Variants in DNAH14 observed in about 807,000 individuals in gnomAD.
The protein encoded by DNAH14 is axonemal beta dynein heavy chain 14.
DNAH14 carries 478 observed loss-of-function variants against 520.9 expected under a neutral mutation model. The ratio of observed to expected loss-of-function variants is 0.92; its 90% CI spans 0.85 to 0.99. DNAH14 has a LOEUF of 0.99. Among genes scored for constraint, DNAH14 ranks in the 50% least tolerant of loss-of-function variants. The pLI is 0.00. For missense variants in DNAH14, 4,831 were observed against 5,234.5 expected (o/e 0.92, Z 2.38); for synonymous variants, 1,581 against 1,757.2 (o/e 0.90, Z 2.51).
chr1:225,378,513 C>T (rs1160256456), intron 79 of DNAH14, among the ~76,000 whole-genome samples: 1 of 152,216 alleles, frequency 6.6e-6, no homozygotes, highest in Non-Finnish European at 1.5e-5. Flanking sequence ...CTAAATACTT[C>T]TTGGCAGCTT....
intron 3 of DNAH14, among the ~76,000 whole-genome samples, chr1:224,958,557 T>C (rs533528904): frequency 1.6e-4 from 25 of 151,988 alleles, no homozygotes; most frequent in African/African-American, 5.1e-4. Context: ...GGATGATGGA[T>C]TGTAAGAAAG....
intron 7 of DNAH14, among the ~76,000 whole-genome samples, chr1:224,973,365 G>A (rs1287673284): frequency 6.6e-6 from 1 of 152,190 alleles, no homozygotes; most frequent in East Asian, 1.9e-4. Flanking sequence ...TGGCAAACAA[G>A]TATCACATCT....
chr1:225,099,081 AAACT>A (rs1169896506), intron 22 of DNAH14, among the ~76,000 whole-genome samples: 2 of 152,164 alleles, frequency 1.3e-5, no homozygotes, highest in Non-Finnish European at 2.9e-5. Context: ...CCAGAGCTCC[AAACT>A]AACTATGAGG....
At chr1:225,212,097 C>T (rs1471034250) in intron 41 of DNAH14, among the ~76,000 whole-genome samples, 1 of 135,480 alleles carries the variant, frequency 7.4e-6, no homozygotes, top group African/African-American at 2.7e-5. Flanking sequence ...TAATGTTCCC[C>T]ACCCTGTGTC....
intron 60 of DNAH14, among the ~76,000 whole-genome samples, chr1:225,315,571 G>A (rs2094451097): frequency 6.6e-6 from 1 of 152,122 alleles, no homozygotes; most frequent in South Asian, 2.1e-4. Context: ...CCTTATCTTT[G>A]TGGATTTATC....
intron 22 of DNAH14, among the ~76,000 whole-genome samples, chr1:225,100,148 C>T (rs1190328144): frequency 6.6e-6 from 1 of 152,018 alleles, no homozygotes; most frequent in Admixed American, 6.6e-5. Context: ...TAATGATAAT[C>T]TTCTGTAAAG....
chr1:225,338,145 G>A lies in DNAH14; in HGVS notation c.10396G>A (p.Val3466Ile), dbSNP rs1216084312. Residue 3466 changes from valine (V) to isoleucine (I), a missense_variant, in exon 68 of 86, where the codon GTT becomes ATT. Transcript: ENST00000682510. ...YQKKGHYFIR[V>I]GDAEFEYNSN... Reference sequence around the variant, plus strand: ...GAAAAAAGGACACTATTTCATAAGGGTTGGTGATGCTGAGTTCGAATACAA... The same window carrying A: ...GAAAAAAGGACACTATTTCATAAGGATTGGTGATGCTGAGTTCGAATACAA... 1 of 1,551,860 alleles carries A rather than the reference G, an allele frequency of 6.4e-7. No individual in the cohort carries two copies. Among genetic ancestry groups the A allele is most frequent in the Non-Finnish European group, 8.7e-7 (1 of 1,146,980 alleles).
intron 56 of DNAH14, 139 bp downstream of exon 56, chr1:225,301,169 T>G: frequency 2.2e-3 from 1,665 of 740,502 alleles, no homozygotes; most frequent in Non-Finnish European, 3.0e-3. Flanking sequence ...ATGGGTACCC[T>G]ACCTACAGAC....
At chr1:225,316,352 G>C (rs1011315190) in intron 60 of DNAH14, among the ~76,000 whole-genome samples, 8 of 152,162 alleles carry the variant, frequency 5.3e-5, no homozygotes, top group Admixed American at 3.9e-4. Context: ...CCTTTCCAGG[G>C]GAGTGAATGG....
At chr1:225,072,503 T>C (rs2071660929) in intron 17 of DNAH14, among the ~76,000 whole-genome samples, 1 of 152,220 alleles carries the variant, frequency 6.6e-6, no homozygotes, top group African/African-American at 2.4e-5. Flanking sequence ...TCAGTGATCT[T>C]TGTTCCTGTC....
intron 35 of DNAH14, among the ~76,000 whole-genome samples, chr1:225,160,258 T>C (rs916481194): frequency 1.3e-5 from 2 of 152,206 alleles, no homozygotes; most frequent in African/African-American, 4.8e-5. Context: ...TTTTATCAGG[T>C]GTCAGGCCAT....
At chr1:225,238,598 G>A (rs2091764681) in intron 42 of DNAH14, among the ~76,000 whole-genome samples, 1 of 152,158 alleles carries the variant, frequency 6.6e-6, no homozygotes, top group Admixed American at 6.5e-5. Flanking sequence ...AGAGGAACAG[G>A]ATCAGGAACT....
intron 27 of DNAH14, among the ~76,000 whole-genome samples, chr1:225,139,741 T>G (rs1218034156): frequency 6.6e-6 from 1 of 152,248 alleles, no homozygotes; most frequent in Non-Finnish European, 1.5e-5. Context: ...GGTCTCCACC[T>G]GTTGGATGTT....
chr1:225,075,794 T>C (rs2072197764), intron 17 of DNAH14, among the ~76,000 whole-genome samples: 1 of 152,258 alleles, frequency 6.6e-6, no homozygotes, highest in East Asian at 1.9e-4. Context: ...CATGTTTTCC[T>C]AATGATTTTT....
chr1:225,251,409 A>G (rs1002427215), intron 43 of DNAH14, among the ~76,000 whole-genome samples: 3 of 152,020 alleles, frequency 2.0e-5, no homozygotes, highest in African/African-American at 7.2e-5. Context: ...CCTGACCTCA[A>G]GTGATCTGCC....
intron 5 of DNAH14, among the ~76,000 whole-genome samples, chr1:224,965,245 C>A (rs1466485439): frequency 1.3e-5 from 2 of 151,882 alleles, no homozygotes; most frequent in East Asian, 3.9e-4. Flanking sequence ...AAATGTGGTC[C>A]CCAGGCAAGC....
chr1:225,362,144 A>G (rs1281376863), intron 75 of DNAH14, among the ~76,000 whole-genome samples: 1 of 152,248 alleles, frequency 6.6e-6, no homozygotes, highest in Non-Finnish European at 1.5e-5. Context: ...AAGAGCCAAT[A>G]GTATGGCAGG....
intron 48 of DNAH14, 96 bp from the exon 49 acceptor site, chr1:225,266,545 C>T: frequency 1.1e-6 from 1 of 915,882 alleles, no homozygotes; most frequent in South Asian, 3.0e-5. Context: ...GCATAATATT[C>T]CTAATTTGTG....
chr1:224,951,643 G>GTT (rs2060178103), intron 1 of DNAH14, among the ~76,000 whole-genome samples: 1 of 115,996 alleles, frequency 8.6e-6, no homozygotes, highest in African/African-American at 4.0e-5. Context: ...TAGATTTCTG[G>GTT]ATTTTTTTTT....
Sources: allele counts gnomAD v4.1 joint callset (sites outside exome capture counted in the v4.1 genomes callset), GRCh38; gene constraint gnomAD v4.1.1; transcripts MANE v1.5; gene names NCBI Gene and HGNC (gene_info 2026-07-23, HGNC 2026-07-21).